MYLK: variants seen among roughly 807,000 people sequenced by gnomAD.
MYLK encodes the protein myosin light chain kinase, also known as myosin light chain kinase, smooth muscle.
Under a neutral mutation model 203.4 loss-of-function variants are expected in MYLK, and 106 were observed. The observed-to-expected ratio is 0.52, with a 90% CI of 0.45 to 0.61. The LOEUF (loss-of-function observed/expected upper bound fraction) is 0.61, where lower values mean the gene tolerates loss of function less well. Ranked by LOEUF, MYLK falls within the 20% of genes least tolerant of loss-of-function variation. The probability of loss-of-function intolerance (pLI) is 0.00; values close to 1 mark genes in which losing one functional copy is unlikely to be tolerated. For missense variants in MYLK, 2,072 were observed against 2,442.3 expected (o/e 0.85, Z 3.20); for synonymous variants, 867 against 959.5 (o/e 0.90, Z 1.78).
Position 123,703,596 on chromosome 3 carries a change from C to G in MYLK, c.2391-2087G>C, listed in dbSNP as rs1406960929. 2.0e-5 allele frequency among the ~76,000 whole-genome samples: 3 copies of G among 152,294 alleles called. No homozygotes were observed. The South Asian group carries it at 6.2e-4, about 32-fold the overall frequency. On this transcript the variant is annotated intron_variant, in intron 16 of 33. Transcript: ENST00000360304. ...AATTAGAAACCTCATGGGTGCCAGGCCCTGGGAGAACGAAGAGGTCCTCAG... is the reference window on the plus strand; with the variant it reads ...AATTAGAAACCTCATGGGTGCCAGGGCCTGGGAGAACGAAGAGGTCCTCAG...
intron 5 of MYLK, among the ~76,000 whole-genome samples, chr3:123,747,566 C>G (rs1190469136): frequency 6.6e-6 from 1 of 152,184 alleles, no homozygotes; most frequent in Non-Finnish European, 1.5e-5. Flanking sequence ...TTAAATCCCT[C>G]CTTGCTACTC....
chr3:123,746,028 T>G (rs113020823), intron 5 of MYLK, among the ~76,000 whole-genome samples: 4,216 of 152,010 alleles, frequency 0.028, 190 homozygotes, highest in African/African-American at 0.093. Context: ...TGGCTAATTT[T>G]TATGTTTTTA....
intron 2 of MYLK, among the ~76,000 whole-genome samples, chr3:123,850,737 T>C (rs1246171186): frequency 6.6e-6 from 1 of 152,238 alleles, no homozygotes; most frequent in African/African-American, 2.4e-5. Context: ...GTGAAGAAGC[T>C]CTTTAGTTTA....
At chr3:123,692,965 C>T in intron 18 of MYLK, 114 bp from the exon 19 acceptor site, 1 of 888,706 alleles carries the variant, frequency 1.1e-6, no homozygotes, top group Non-Finnish European at 1.9e-6. Context: ...GCCCAGAAGC[C>T]AGAGGCCTTG....
At chr3:123,852,372 G>A (rs558813133) in intron 2 of MYLK, among the ~76,000 whole-genome samples, 41 of 152,234 alleles carry the variant, frequency 2.7e-4, no homozygotes, top group African/African-American at 9.4e-4. Context: ...ACTTTTTTTG[G>A]TTGGTAGGCT....
intron 2 of MYLK, among the ~76,000 whole-genome samples, chr3:123,868,000 T>C (rs1048841478): frequency 6.6e-5 from 10 of 152,250 alleles, no homozygotes; most frequent in African/African-American, 2.4e-4. Context: ...AGCCGGGTCC[T>C]ATGTCTTGCT....
intron 19 of MYLK, among the ~76,000 whole-genome samples, chr3:123,688,723 C>T (rs976692147): frequency 1.3e-5 from 2 of 152,172 alleles, no homozygotes; most frequent in Non-Finnish European, 2.9e-5. Flanking sequence ...CCTCCTGAAA[C>T]GCCTTAAGCA....
chr3:123,745,179 G>A (rs567888152), intron 5 of MYLK, among the ~76,000 whole-genome samples: 23 of 151,890 alleles, frequency 1.5e-4, no homozygotes, highest in Middle Eastern at 3.4e-3. Context: ...ATATATTTGT[G>A]GTGTCTGTTC....
chr3:123,732,931 C>G lies in MYLK; in HGVS notation c.1481G>C (p.Gly494Ala), dbSNP rs1052992526. 6.2e-7 allele frequency: 1 copy of G among 1,614,176 alleles called. No individual in the cohort carries two copies. The highest frequency in any genetic ancestry group is 8.5e-7 in the Non-Finnish European group (1 of 1,180,040). Residue 494 changes from glycine to alanine, a missense_variant, in exon 11 of 34, where the codon GGC (glycine) becomes GCC (alanine). By Grantham distance (60) the Gly-to-Ala change is moderately conservative. Around this residue, in one of 3 missense-constraint regions of MYLK, gnomAD observed 683 missense variants for 643.8 expected, o/e 1.06. Transcript: ENST00000360304. ...TYSCTASNAQ[G>A]QLSCSWTLQV... ...GAGGGTCCAGCTACAGGACAGCTGGCCTTGGGCGTTGGAAGCAGTGCAGCT... is the reference window on the plus strand; with the variant it reads ...GAGGGTCCAGCTACAGGACAGCTGGGCTTGGGCGTTGGAAGCAGTGCAGCT...
intron 29 of MYLK, among the ~76,000 whole-genome samples, chr3:123,634,147 G>A (rs1413663095): frequency 6.6e-6 from 1 of 152,216 alleles, no homozygotes; most frequent in Non-Finnish European, 1.5e-5. Flanking sequence ...GGGCTGAGTA[G>A]GTCCACAGGA....
chr3:123,842,848 G>T (rs1172613763), intron 2 of MYLK, among the ~76,000 whole-genome samples: 1 of 152,218 alleles, frequency 6.6e-6, no homozygotes, highest in Non-Finnish European at 1.5e-5. Flanking sequence ...CTCCTTTGAG[G>T]TGCTTACATT....
At chr3:123,732,822 T>A in intron 11 of MYLK, 74 bp downstream of exon 11, 1 of 1,442,834 alleles carries the variant, frequency 6.9e-7, no homozygotes, top group South Asian at 1.2e-5. Context: ...AGATGAACCA[T>A]CTGCAGAAGG....
chr3:123,866,579 G>A (rs1426477916), intron 2 of MYLK, among the ~76,000 whole-genome samples: 1 of 152,092 alleles, frequency 6.6e-6, no homozygotes, highest in Non-Finnish European at 1.5e-5. Context: ...TGAAAGAGGG[G>A]ACATGAAATA....
Position 123,834,298 on chromosome 3 carries a change from G to A in MYLK, c.-126-2628C>T, listed in dbSNP as rs571593141. Among the ~76,000 whole-genome samples, 9 of 152,230 alleles carry A rather than the reference G, an allele frequency of 5.9e-5. No individual in the cohort carries two copies. The East Asian group carries it at 7.7e-4, about 13-fold the overall frequency. On this transcript the variant is annotated intron_variant, in intron 2 of 33. Coordinates refer to ENST00000360304, the MANE Select transcript of MYLK (RefSeq NM_053025.4). ...TGACCTCAAGCAATCCACATGCCTCGGCCTCCCAAAGTGCTGGGATTACAG... is the reference window on the plus strand; with the variant it reads ...TGACCTCAAGCAATCCACATGCCTCAGCCTCCCAAAGTGCTGGGATTACAG...
At chr3:123,746,632 T>C (rs1424739325) in intron 5 of MYLK, among the ~76,000 whole-genome samples, 1 of 152,226 alleles carries the variant, frequency 6.6e-6, no homozygotes, top group Non-Finnish European at 1.5e-5. Flanking sequence ...CTCTTTTGTA[T>C]ACTAAATGAG....
chr3:123,666,415 A>AG, intron 21 of MYLK, 69 bp from the exon 22 acceptor site: 1 of 1,607,314 alleles, frequency 6.2e-7, no homozygotes, highest in Non-Finnish European at 8.5e-7. Flanking sequence ...ATTCGACGCC[A>AG]TTGTCCACAG....
intron 2 of MYLK, among the ~76,000 whole-genome samples, chr3:123,841,362 T>C (rs767025517): frequency 6.6e-5 from 10 of 152,326 alleles, no homozygotes; most frequent in Admixed American, 4.6e-4. Flanking sequence ...GATTAATCTA[T>C]ATTTTAAAAG....
intron 20 of MYLK, among the ~76,000 whole-genome samples, 175 bp from the exon 21 acceptor site, chr3:123,667,362 G>A (rs1405801717): frequency 1.3e-5 from 2 of 152,112 alleles, no homozygotes; most frequent in Non-Finnish European, 2.9e-5. Flanking sequence ...AGCACTTTGG[G>A]AGGCCGAGGC....
At chr3:123,708,082 A>C in intron 15 of MYLK, 79 bp from the exon 16 acceptor site, 4 of 1,585,562 alleles carry the variant, frequency 2.5e-6, no homozygotes, top group Non-Finnish European at 1.7e-6. Context: ...ATGGAGGTGA[A>C]GGATGGGAAG....
Sources: allele counts gnomAD v4.1 joint callset (sites outside exome capture counted in the v4.1 genomes callset), GRCh38; gene constraint gnomAD v4.1.1; regional missense constraint gnomAD v4.1.1; transcripts MANE v1.5; gene names NCBI Gene and HGNC (gene_info 2026-07-23, HGNC 2026-07-21).